PPFIA2: variants seen among roughly 807,000 people sequenced by gnomAD.
PPFIA2 encodes the protein liprin-alpha-2.
Under a neutral mutation model 175.5 loss-of-function variants are expected in PPFIA2, and 46 were observed. The observed-to-expected ratio is 0.26, with a 90% CI of 0.21 to 0.34. The LOEUF (loss-of-function observed/expected upper bound fraction) is 0.34. Ranked by LOEUF, PPFIA2 falls within the 10% of genes least tolerant of loss-of-function variation. The pLI is 1.00. For synonymous variants in PPFIA2, 568 were observed against 511.4 expected (o/e 1.11, Z -1.49); for missense variants, 1,179 against 1,506.1 (o/e 0.78, Z 3.60).
intron 4 of PPFIA2, among the ~76,000 whole-genome samples, chr12:81,662,103 A>T (rs2068996325): frequency 6.6e-6 from 1 of 152,188 alleles, no homozygotes; most frequent in Admixed American, 6.5e-5. Flanking sequence ...AGCAGGAAAG[A>T]TCTAAAATTG....
intron 4 of PPFIA2, among the ~76,000 whole-genome samples, chr12:81,547,966 T>C (rs1051516577): frequency 6.6e-6 from 1 of 152,216 alleles, no homozygotes; most frequent in Non-Finnish European, 1.5e-5. Flanking sequence ...TTAGGATTTA[T>C]GAGTGAAGTC....
At chr12:81,448,002 TG>T (rs1367873903) in intron 5 of PPFIA2, among the ~76,000 whole-genome samples, 5 of 152,112 alleles carry the variant, frequency 3.3e-5, no homozygotes. Flanking sequence ...CAATGAAAAC[TG>T]TTTTTTTTTC....
chr12:81,512,404 G>A, intron 4 of PPFIA2: 1 of 1,230,644 alleles, frequency 8.1e-7, no homozygotes, highest in Non-Finnish European at 1.1e-6. Context: ...ACTTTGTGAT[G>A]CTGGACCCAG....
chr12:81,439,543 T>C (rs1184498263), intron 7 of PPFIA2, among the ~76,000 whole-genome samples: 1 of 152,148 alleles, frequency 6.6e-6, no homozygotes, highest in African/African-American at 2.4e-5. Context: ...CGTCACTAAA[T>C]ATGAGTACAG....
At chr12:81,711,601 C>T (rs1017394076) in intron 3 of PPFIA2, among the ~76,000 whole-genome samples, 1 of 151,242 alleles carries the variant, frequency 6.6e-6, no homozygotes, top group African/African-American at 2.4e-5. Context: ...TCTACACTTA[C>T]CATTCAGAAT....
At chr12:81,319,579 T>A (rs555605788) in intron 22 of PPFIA2, among the ~76,000 whole-genome samples, 1 of 151,942 alleles carries the variant, frequency 6.6e-6, no homozygotes, top group African/African-American at 2.4e-5. Context: ...GCCGAGGAAT[T>A]TTCCTGCAGT....
In PPFIA2 at chr12:81,280,065, C is replaced by G. The variant is rs1010768316; in HGVS notation, c.3212+1192G>C. ...GTATTTAATTACTTCAACTTTACCA[C>G]TGGACTTCTACCACCTTATAACAAT... On this transcript the variant is annotated intron_variant, in intron 27 of 32. Coordinates refer to ENST00000549396, the MANE Select transcript of PPFIA2 (RefSeq NM_003625.5). 4.6e-5 allele frequency among the ~76,000 whole-genome samples: 7 copies of G among 152,176 alleles called. No individual in the cohort carries two copies. In the East Asian group the frequency reaches 1.3e-3, roughly 29 times the overall value.
chr12:81,398,258 C>T (rs1285990571), intron 8 of PPFIA2, among the ~76,000 whole-genome samples: 2 of 151,940 alleles, frequency 1.3e-5, no homozygotes, highest in Non-Finnish European at 2.9e-5. Flanking sequence ...GGGAAATATA[C>T]TTGATTAAAT....
intron 4 of PPFIA2, among the ~76,000 whole-genome samples, chr12:81,638,499 G>A (rs1215307193): frequency 1.3e-5 from 2 of 151,866 alleles, no homozygotes; most frequent in African/African-American, 2.4e-5. Flanking sequence ...TTTTTATGAA[G>A]AGAGAAAAGT....
chr12:81,425,356 C>A (rs1162629568), intron 7 of PPFIA2, among the ~76,000 whole-genome samples: 1 of 151,748 alleles, frequency 6.6e-6, no homozygotes, highest in Non-Finnish European at 1.5e-5. Context: ...TTTATTTATT[C>A]TTTTTTGAGA....
rs576032530 is a variant in PPFIA2, at chr12:81,447,136, A to AAAT, written c.406-1419_406-1417dup. Among the ~76,000 whole-genome samples the AAAT allele has an allele frequency of 2.6e-4, 39 of 152,058 alleles. No homozygotes were observed. The South Asian group carries it at 4.4e-3, about 17-fold the overall frequency. The stretch of plus-strand genomic sequence containing the variant: ...ACACAGTGAAACCCCGTCTCTACTA[A>AAAT]AATAATAATAATAATAATAGTAGTT... On this transcript the variant is annotated intron_variant, in intron 5 of 32. Coordinates refer to ENST00000549396, the MANE Select transcript of PPFIA2 (RefSeq NM_003625.5).
intron 4 of PPFIA2, among the ~76,000 whole-genome samples, chr12:81,581,649 A>G (rs1243053334): frequency 6.6e-6 from 1 of 151,548 alleles, no homozygotes; most frequent in Non-Finnish European, 1.5e-5. Flanking sequence ...TCCATGTTTC[A>G]CTTCCTTGCC....
intron 4 of PPFIA2, among the ~76,000 whole-genome samples, chr12:81,475,247 A>T (rs2057330117): frequency 6.6e-6 from 1 of 152,154 alleles, no homozygotes; most frequent in Admixed American, 6.6e-5. Flanking sequence ...GAGACTGTGT[A>T]TTTGTTAAAG....
At chr12:81,662,816 C>G (rs1191600973) in intron 4 of PPFIA2, among the ~76,000 whole-genome samples, 3 of 152,058 alleles carry the variant, frequency 2.0e-5, no homozygotes, top group African/African-American at 7.2e-5. Context: ...AAATACTGGC[C>G]AACTGAATCC....
intron 21 of PPFIA2, among the ~76,000 whole-genome samples, chr12:81,328,230 C>T (rs369518342): frequency 2.0e-5 from 3 of 152,132 alleles, no homozygotes; most frequent in East Asian, 1.9e-4. Context: ...TTATCTAAAT[C>T]CAGTGAGAGT....
chr12:81,368,112 T>C, intron 13 of PPFIA2: 1 of 1,288,120 alleles, frequency 7.8e-7, no homozygotes, highest in Non-Finnish European at 1.0e-6. Context: ...CCTTAATTTA[T>C]GCTCTGGAAT....
At chr12:81,582,958 T>C (rs956655451) in intron 4 of PPFIA2, among the ~76,000 whole-genome samples, 14 of 151,904 alleles carry the variant, frequency 9.2e-5, no homozygotes, top group Non-Finnish European at 1.9e-4. Flanking sequence ...AATAAAAATA[T>C]CACTTCCTAT....
chr12:81,321,055 C>CAGAGAGAGAG (rs376416224), intron 22 of PPFIA2, among the ~76,000 whole-genome samples: 31,147 of 148,444 alleles, frequency 0.21, 3,982 homozygotes, highest in African/African-American at 0.35. Context: ...ATAAATAAAA[C>CAGAGAGAGAG]AGAGAGAGAG....
chr12:81,378,154 G>C (rs2036821263), intron 9 of PPFIA2: 1 of 152,152 alleles, frequency 6.6e-6, no homozygotes, highest in South Asian at 2.1e-4. Context: ...AGCCTTCAGA[G>C]AGAATATGGC....
Sources: allele counts gnomAD v4.1 joint callset (sites outside exome capture counted in the v4.1 genomes callset), GRCh38; gene constraint gnomAD v4.1.1; transcripts MANE v1.5; gene names NCBI Gene and HGNC (gene_info 2026-07-23, HGNC 2026-07-21).